The following WDR7 variants were observed in gnomAD, a reference collection of about 807,000 sequenced individuals.
WDR7 encodes WD repeat domain 7.
Under a neutral mutation model 169.4 loss-of-function variants are expected in WDR7, and 46 were observed. The ratio of observed to expected loss-of-function variants is 0.27; its 90% CI spans 0.21 to 0.35. The LOEUF (loss-of-function observed/expected upper bound fraction) is 0.35. Among genes scored for constraint, WDR7 ranks in the 10% least tolerant of loss-of-function variants. WDR7 has a pLI of 1.00. For synonymous variants in WDR7, 612 were observed against 666.8 expected (o/e 0.92, Z 1.27); for missense variants, 1,534 against 1,859.3 (o/e 0.83, Z 3.22).
intron 20 of WDR7, among the ~76,000 whole-genome samples, chr18:56,841,008 T>G (rs1306850717): frequency 6.8e-6 from 1 of 147,514 alleles, no homozygotes; most frequent in Non-Finnish European, 1.5e-5. Flanking sequence ...CTGGCCAACA[T>G]GGTAAAATCC....
intron 26 of WDR7, among the ~76,000 whole-genome samples, chr18:56,985,602 C>T (rs1483934615): frequency 6.6e-6 from 1 of 151,948 alleles, no homozygotes; most frequent in Non-Finnish European, 1.5e-5. Context: ...TCTTAGTTAC[C>T]TTGAAATATT....
intron 7 of WDR7, among the ~76,000 whole-genome samples, chr18:56,687,774 G>A (rs1300640106): frequency 1.3e-5 from 2 of 152,064 alleles, no homozygotes; most frequent in East Asian, 1.9e-4. Context: ...CTACAGGCAC[G>A]CATTACCAAG....
At chr18:56,658,442 T>C (rs2024827316) in intron 1 of WDR7, among the ~76,000 whole-genome samples, 1 of 152,154 alleles carries the variant, frequency 6.6e-6, no homozygotes, top group Non-Finnish European at 1.5e-5. Flanking sequence ...CCCATTCAGC[T>C]TAGCAGTTGT....
intron 14 of WDR7, chr18:56,753,410 A>T (rs1294262506): frequency 6.6e-6 from 1 of 152,228 alleles, no homozygotes; most frequent in African/African-American, 2.4e-5. Flanking sequence ...TGAGTAAGAC[A>T]TGATTGGTCC....
At chr18:56,779,799 GA>G (rs990785349) in intron 18 of WDR7, among the ~76,000 whole-genome samples, 1 of 152,050 alleles carries the variant, frequency 6.6e-6, no homozygotes, top group African/African-American at 2.4e-5. Context: ...ATACTTTATG[GA>G]ACTATTTCTT....
rs1361947244 is a variant in WDR7, at chr18:56,729,981, A to C, written c.1775-1402A>C. ...TTTTTGTATGATTACTACCTATTTC[A>C]ATTTCTTTTCTTGATTGTTCATATT... is the stretch of plus-strand genomic sequence containing the variant. On this transcript the variant is annotated intron_variant, in intron 13 of 27. Transcript: ENST00000254442. Among the ~76,000 whole-genome samples the C allele has an allele frequency of 2.0e-5, 3 of 152,196 alleles. No homozygotes were observed. In the East Asian group the frequency reaches 5.8e-4, roughly 29 times the overall value.
intron 19 of WDR7, among the ~76,000 whole-genome samples, chr18:56,794,340 C>T (rs1426912042): frequency 9.2e-5 from 2 of 21,844 alleles, no homozygotes; most frequent in African/African-American, 1.7e-4. Context: ...GACAGAGTCT[C>T]ACTCTGTCGC....
intron 22 of WDR7, among the ~76,000 whole-genome samples, chr18:56,933,496 G>C (rs1465895531): frequency 6.6e-6 from 1 of 152,182 alleles, no homozygotes; most frequent in Non-Finnish European, 1.5e-5. Context: ...ACTGATAACT[G>C]TGCCTCCTGT....
At chr18:57,017,631 T>A (rs1000698187) in intron 26 of WDR7, among the ~76,000 whole-genome samples, 1 of 152,064 alleles carries the variant, frequency 6.6e-6, no homozygotes, top group African/African-American at 2.4e-5. Context: ...GGAACAGTGA[T>A]GAGTAAAATG....
chr18:56,931,938 G>A (rs1599168581), intron 22 of WDR7, among the ~76,000 whole-genome samples: 1 of 152,184 alleles, frequency 6.6e-6, no homozygotes, highest in Non-Finnish European at 1.5e-5. Flanking sequence ...CTAGATTATG[G>A]AGGGCCTAGA....
chr18:56,864,876 T>C lies in WDR7; in HGVS notation c.3305-15068T>C, dbSNP rs186717021. On this transcript the variant is annotated intron_variant, in intron 20 of 27. Transcript: ENST00000254442. ...TTGACATATATGTGGTACTGAATAA[T>C]ATATGATACTCAATGAGAAGAAAGA... Among the ~76,000 whole-genome samples, 458 of 151,902 alleles carry C rather than the reference T, an allele frequency of 3.0e-3. 2 individuals are homozygous for C. Among genetic ancestry groups the C allele is most frequent in the Non-Finnish European group, 3.8e-3 (258 of 67,732 alleles).
At chr18:56,798,000 A>T (rs1015865021) in intron 19 of WDR7, among the ~76,000 whole-genome samples, 2 of 152,138 alleles carry the variant, frequency 1.3e-5, no homozygotes, top group African/African-American at 4.8e-5. Flanking sequence ...TATTACATAT[A>T]TGTCGCAGGG....
chr18:56,842,705 AC>A, intron 20 of WDR7, among the ~76,000 whole-genome samples: 1 of 152,186 alleles, frequency 6.6e-6, no homozygotes, highest in South Asian at 2.1e-4. Context: ...TTACACACAC[AC>A]ACACAGTGAT....
chr18:57,032,975 C>G (rs2048450776), downstream of WDR7: 2 of 151,702 alleles, frequency 1.3e-5, no homozygotes, highest in African/African-American at 4.8e-5. Flanking sequence ...AAATGATGCT[C>G]TAAAACTTGA....
intron 26 of WDR7, among the ~76,000 whole-genome samples, chr18:56,994,327 C>T (rs1045330676): frequency 2.0e-5 from 3 of 152,022 alleles, no homozygotes; most frequent in African/African-American, 7.2e-5. Flanking sequence ...CCAGCCCATT[C>T]ATTACTATTT....
chr18:57,009,000 T>A (rs2048102682), intron 26 of WDR7, among the ~76,000 whole-genome samples: 1 of 151,468 alleles, frequency 6.6e-6, no homozygotes, highest in African/African-American at 2.4e-5. Context: ...CAAAGACAAA[T>A]TTTAATCCAC....
intron 20 of WDR7, among the ~76,000 whole-genome samples, chr18:56,840,143 A>G (rs1218609580): frequency 6.6e-6 from 1 of 152,118 alleles, no homozygotes; most frequent in Non-Finnish European, 1.5e-5. Flanking sequence ...GAAGGAAGCT[A>G]TATAACATTT....
chr18:57,018,188 T>A (rs942440208), intron 26 of WDR7, among the ~76,000 whole-genome samples: 3 of 152,176 alleles, frequency 2.0e-5, no homozygotes, highest in African/African-American at 7.2e-5. Context: ...GCATTCTGTT[T>A]TGAAACTGAG....
At chr18:56,784,653 G>C (rs571779214) in intron 19 of WDR7, among the ~76,000 whole-genome samples, 1 of 152,158 alleles carries the variant, frequency 6.6e-6, no homozygotes, top group African/African-American at 2.4e-5. Flanking sequence ...CTTTGCAGCC[G>C]TGTTACAGTT....
Sources: gnomAD v4.1 joint callset for allele counts (sites outside exome capture counted in the v4.1 genomes callset) on GRCh38, gnomAD v4.1.1 for gene constraint, MANE v1.5 for transcripts, NCBI Gene and HGNC (gene_info 2026-07-23, HGNC 2026-07-21) for gene names.